The following CACNA1D variants were observed in gnomAD, a reference collection of about 807,000 sequenced individuals.
The protein encoded by CACNA1D is calcium voltage-gated channel subunit alpha1 D, also known as voltage-dependent L-type calcium channel subunit alpha-1D.
Under a neutral mutation model 257.1 loss-of-function variants are expected in CACNA1D, and 55 were observed. That is an observed-to-expected ratio of 0.21 (90% CI 0.17 to 0.27). CACNA1D has a LOEUF of 0.27. Ranked by LOEUF, CACNA1D falls within the 10% of genes least tolerant of loss-of-function variation. CACNA1D has a pLI of 1.00. For missense variants in CACNA1D, 1,876 were observed against 2,784.0 expected, an observed-to-expected ratio of 0.67 and a Z score of 7.34; for synonymous variants, 980 against 1,014.9, an observed-to-expected ratio of 0.97 and a Z score of 0.65.
intron 29 of CACNA1D, among the ~76,000 whole-genome samples, chr3:53,754,705 A>T (rs17053472): frequency 2.6e-5 from 4 of 152,052 alleles, no homozygotes; most frequent in Non-Finnish European, 4.4e-5. Flanking sequence ...TTTCTTTCCC[A>T]GTACAGCCAA....
chr3:53,750,158 G>C (rs1408606071), intron 27 of CACNA1D, among the ~76,000 whole-genome samples: 1 of 152,212 alleles, frequency 6.6e-6, no homozygotes, highest in African/African-American at 2.4e-5. Context: ...GTTTTAGCCA[G>C]TCTGGTAGAA....
chr3:53,658,777 A>G (rs1406193761), intron 4 of CACNA1D, among the ~76,000 whole-genome samples: 2 of 152,282 alleles, frequency 1.3e-5, no homozygotes, highest in East Asian at 1.9e-4. Context: ...AATTTGATCT[A>G]TTTCCTCAGT....
At position 53,753,635 on chromosome 3, in the gene CACNA1D, G is replaced by T. The variant is rs754732747; in HGVS notation, c.3739G>T (p.Val1247Leu). 4.7e-5 allele frequency: 76 copies of T among 1,613,860 alleles called. 1 individual carries two copies. The South Asian group carries it at 7.4e-4, about 16-fold the overall frequency. The change falls in exon 29 of 48, where the codon GTG becomes TTG. Residue 1247 changes from valine (V) to leucine (L), a missense_variant. Val to Leu is a conservative substitution (Grantham distance 32). Transcript: ENST00000350061. ...MDILNMVFTG[V>L]FTVEMVLKVI... ...CATTCTGAACATGGTCTTCACCGGG[G>T]TGTTCACCGTCGAGATGGTTTTGAA...
At position 53,781,582 on chromosome 3, in the gene CACNA1D, T is replaced by C. The variant is rs550410460; in HGVS notation, c.4707T>C (p.Ala1569=). The C allele has an allele frequency of 9.3e-6, 15 of 1,613,490 alleles. No homozygotes were observed. In the East Asian group the frequency reaches 3.3e-4, roughly 36 times the overall value. ...KIKTEGNLEQ[A]NEELRAVIKK... The stretch of plus-strand genomic sequence containing the variant: ...TGAATCCAGGGAACCTGGAGCAAGC[T>C]AATGAAGAACTTCGGGCTGTGATAA... The change falls in exon 39 of 48, where the codon GCT becomes GCC. Residue 1569 remains alanine (A), a synonymous_variant. Transcript: ENST00000350061.
intron 3 of CACNA1D, among the ~76,000 whole-genome samples, chr3:53,566,833 G>A (rs2092850995): frequency 6.6e-6 from 1 of 152,144 alleles, no homozygotes; most frequent in Admixed American, 6.5e-5. Context: ...TCCATTACAT[G>A]CTAAGCACCT....
intron 40 of CACNA1D, among the ~76,000 whole-genome samples, chr3:53,795,792 G>A (rs745576540): frequency 7.2e-5 from 11 of 152,176 alleles, no homozygotes; most frequent in Admixed American, 5.2e-4. Context: ...CTCAGATTGT[G>A]TGCAGGCAAA....
At chr3:53,586,276 C>CTGTG (rs57318445) in intron 3 of CACNA1D, among the ~76,000 whole-genome samples, 6,935 of 135,916 alleles carry the variant, frequency 0.051, 215 homozygotes, top group East Asian at 0.079. Context: ...TGCCTCTATT[C>CTGTG]TGTGTGTGTG....
At chr3:53,507,072 CAAA>C (rs781421977) in intron 3 of CACNA1D, among the ~76,000 whole-genome samples, 8 of 56,682 alleles carry the variant, frequency 1.4e-4, no homozygotes, top group African/African-American at 2.0e-4. Context: ...GACTCTATCT[CAAA>C]AAAAAAAAAA....
chr3:53,693,019 G>A (rs566758099), intron 8 of CACNA1D, among the ~76,000 whole-genome samples: 29 of 152,314 alleles, frequency 1.9e-4, no homozygotes, highest in African/African-American at 7.0e-4. Context: ...TCCAGCCTGG[G>A]CAGCCGAGCC....
intron 10 of CACNA1D, chr3:53,718,601 C>CCCCCCCCCCAGAA: frequency 9.1e-7 from 1 of 1,103,202 alleles, no homozygotes. Flanking sequence ...CCCCCCGGCC[C>CCCCCCCCCCAGAA]AGCATTTCAC....
chr3:53,507,177 T>C (rs2090892748), intron 3 of CACNA1D, among the ~76,000 whole-genome samples: 3 of 151,448 alleles, frequency 2.0e-5, no homozygotes, highest in East Asian at 1.9e-4. Context: ...CCAAAGTTGG[T>C]TTCCTAATGA....
At chr3:53,695,911 G>A (rs900341560) in intron 8 of CACNA1D, among the ~76,000 whole-genome samples, 2 of 152,048 alleles carry the variant, frequency 1.3e-5, no homozygotes, top group African/African-American at 4.8e-5. Context: ...CCTTAGTTTT[G>A]TATTTAAGCC....
chr3:53,602,190 A>G (rs186868901), intron 3 of CACNA1D, among the ~76,000 whole-genome samples: 2 of 152,296 alleles, frequency 1.3e-5, no homozygotes, highest in Admixed American at 6.5e-5. Flanking sequence ...TAGCTCCTAC[A>G]TATAAGTGAG....
chr3:53,576,186 C>T (rs551434114), intron 3 of CACNA1D, among the ~76,000 whole-genome samples: 16 of 152,228 alleles, frequency 1.1e-4, no homozygotes, highest in Middle Eastern at 3.4e-3. Flanking sequence ...GAAACGTTAC[C>T]GTCTGTTTCC....
intron 8 of CACNA1D, among the ~76,000 whole-genome samples, chr3:53,685,723 A>T (rs1437043456): frequency 6.6e-6 from 1 of 152,152 alleles, no homozygotes; most frequent in Non-Finnish European, 1.5e-5. Context: ...AAAAAATAAT[A>T]AAAATTAGAA....
chr3:53,712,011 G>T (rs759287758), intron 9 of CACNA1D, among the ~76,000 whole-genome samples: 2 of 152,228 alleles, frequency 1.3e-5, no homozygotes, highest in African/African-American at 4.8e-5. Context: ...CAGCTAAGCA[G>T]GAAATAGTGT....
chr3:53,620,150 C>T (rs572940900), intron 3 of CACNA1D, among the ~76,000 whole-genome samples: 24 of 152,278 alleles, frequency 1.6e-4, no homozygotes, highest in African/African-American at 4.1e-4. Flanking sequence ...CTCAGGGGTG[C>T]GACAGAGCCA....
chr3:53,566,489 G>A (rs936922221), intron 3 of CACNA1D, among the ~76,000 whole-genome samples: 3 of 152,086 alleles, frequency 2.0e-5, no homozygotes, highest in Non-Finnish European at 4.4e-5. Context: ...ATCTCTGCCA[G>A]CCCTCCCTGA....
intron 26 of CACNA1D, 35 bp from the exon 27 acceptor site, chr3:53,749,233 C>T (rs1218555651): frequency 1.3e-6 from 2 of 1,508,338 alleles, no homozygotes; most frequent in Middle Eastern, 1.7e-4. Context: ...GGCTGGGGGG[C>T]TTGGCAGGTC....
Sources: gnomAD v4.1 joint callset for allele counts (sites outside exome capture counted in the v4.1 genomes callset) on GRCh38, gnomAD v4.1.1 for gene constraint, MANE v1.5 for transcripts, NCBI Gene and HGNC (gene_info 2026-07-23, HGNC 2026-07-21) for gene names.